ZBTB24: variants seen among roughly 807,000 people sequenced by gnomAD.
The protein encoded by ZBTB24 is zinc finger and BTB domain-containing protein 24.
In ZBTB24, 32 loss-of-function variants were observed where a neutral mutation model predicts 53.8. The observed-to-expected ratio is 0.60, with a 90% CI of 0.45 to 0.80. The LOEUF (loss-of-function observed/expected upper bound fraction) is 0.80, where lower values mean the gene tolerates loss of function less well. Among genes scored for constraint, ZBTB24 ranks in the 30% least tolerant of loss-of-function variants. The pLI is 0.00. For missense variants in ZBTB24, 722 were observed against 837.1 expected (o/e 0.86, Z 1.70); for synonymous variants, 297 against 306.7 (o/e 0.97, Z 0.33).
rs548500032 is a variant in ZBTB24, at chr6:109,479,873, G to A, written c.952+1202C>T. Among the ~76,000 whole-genome samples the A allele has an allele frequency of 2.8e-4, 36 of 127,460 alleles. No homozygotes were observed. The East Asian group carries it at 6.5e-3, about 23-fold the overall frequency. 83.6% of individuals were successfully genotyped at this position (127,460 alleles called of 152,430 possible). ...GGAGGTTGCGGTGAGCCGAGATCGC[G>A]CCACTGCACTCTAGCCTGGGTGACA... On this transcript the variant is annotated intron_variant, in intron 2 of 6. Transcript: ENST00000230122.
chr6:109,472,380 T>C (rs1205243069), intron 5 of ZBTB24, among the ~76,000 whole-genome samples: 2 of 152,202 alleles, frequency 1.3e-5, no homozygotes, highest in Non-Finnish European at 2.9e-5. Flanking sequence ...TCTGTTCTGC[T>C]TCTCAAAGTT....
At chr6:109,472,151 C>G (rs998293835) in intron 5 of ZBTB24, among the ~76,000 whole-genome samples, 7 of 152,120 alleles carry the variant, frequency 4.6e-5, no homozygotes, top group African/African-American at 1.4e-4. Context: ...TGGCACTTCT[C>G]ACTCTGAATG....
chr6:109,465,628 T>C lies in ZBTB24; in HGVS notation c.*223A>G, dbSNP rs1776015215. On this transcript the variant is annotated 3_prime_UTR_variant, in exon 7 of 7. Transcript: ENST00000230122. ...ACATTGCAGATTAAAATGAAAACCA[T>C]TCAATAATATTGAAATGCTCAATAC... 1 of 1,537,882 alleles carries C rather than the reference T, an allele frequency of 6.5e-7. No homozygotes were observed.
intron 5 of ZBTB24, among the ~76,000 whole-genome samples, chr6:109,468,882 A>G (rs1302678195): frequency 1.3e-5 from 2 of 151,944 alleles, no homozygotes; most frequent in African/African-American, 4.8e-5. Context: ...GTTCCCCAGA[A>G]ACAAAATTAA....
At chr6:109,475,610 T>C in intron 4 of ZBTB24, 128 bp from the exon 5 acceptor site, 1 of 1,108,070 alleles carries the variant, frequency 9.0e-7, no homozygotes. Context: ...ACAAAAATTT[T>C]TTCATTAATT....
At position 109,465,628 on chromosome 6, in the gene ZBTB24, T is replaced by A; in HGVS notation, c.*223A>T. The stretch of plus-strand genomic sequence containing the variant: ...ACATTGCAGATTAAAATGAAAACCA[T>A]TCAATAATATTGAAATGCTCAATAC... On this transcript the variant is annotated 3_prime_UTR_variant, in exon 7 of 7. Coordinates refer to ENST00000230122, the MANE Select transcript of ZBTB24 (RefSeq NM_014797.3). 6.5e-7 allele frequency: 1 copy of A among 1,538,000 alleles called. No homozygotes were observed. The highest frequency in any genetic ancestry group is 1.2e-5 in the South Asian group (1 of 84,370).
rs1345809027 is a variant in ZBTB24 at position 109,463,645 on chromosome 6, A to G, written c.*2206T>C. ...CAACTGTAAGTTGTATGAAATCTAA[A>G]TACAGATCAAGTATGTCCAATGAAC... is the stretch of plus-strand genomic sequence containing the variant. On this transcript the variant is annotated 3_prime_UTR_variant, in exon 7 of 7. Coordinates refer to ENST00000230122, the MANE Select transcript of ZBTB24 (RefSeq NM_014797.3). 1 of 152,260 alleles carries G rather than the reference A, an allele frequency of 6.6e-6. No individual in the cohort carries two copies. The highest frequency in any genetic ancestry group is 1.5e-5 in the Non-Finnish European group (1 of 68,046). The allele number at this position is 152,260 out of a possible 1,614,324, so 9.4% of individuals were successfully genotyped here.
Position 109,476,169 on chromosome 6 carries a change from T to C in ZBTB24, c.1204+6A>G. ...CCCCAATCTAAATGTTCTCACTTTA[T>C]CGTACCTGTATGAACTCGGTAATGG... On this transcript the variant is annotated splice_donor_region_variant and intron_variant, in intron 4 of 6. Transcript: ENST00000230122. 1.2e-6 allele frequency: 2 copies of C among 1,613,592 alleles called. No individual in the cohort carries two copies. The highest frequency in any genetic ancestry group is 2.2e-5 in the East Asian group (1 of 44,870).
chr6:109,477,617 C>G (rs1304884108), intron 2 of ZBTB24, among the ~76,000 whole-genome samples: 4 of 152,174 alleles, frequency 2.6e-5, no homozygotes, highest in Admixed American at 6.5e-5. Context: ...TGTCCCTCCC[C>G]CAAAAGAGAA....
intron 5 of ZBTB24, among the ~76,000 whole-genome samples, chr6:109,474,215 T>G (rs1215647664): frequency 6.6e-6 from 1 of 152,222 alleles, no homozygotes; most frequent in Non-Finnish European, 1.5e-5. Context: ...AGGCTTATTT[T>G]TAACATACAT....
At position 109,475,388 on chromosome 6, in the gene ZBTB24, T is replaced by C; in HGVS notation, c.1288+11A>G. The stretch of plus-strand genomic sequence containing the variant: ...CCGTGTACTGGGGGGACAGACGAGA[T>C]GGAGTTTTACCTGTGTGTGTTCGCA... On this transcript the variant is annotated intron_variant, in intron 5 of 6. Coordinates refer to ENST00000230122, the MANE Select transcript of ZBTB24 (RefSeq NM_014797.3). The C allele has an allele frequency of 1.2e-6, 2 of 1,614,088 alleles. No homozygotes were observed. The highest frequency in any genetic ancestry group is 1.7e-6 in the Non-Finnish European group (2 of 1,179,962).
rs148282640 is a variant in ZBTB24, at chr6:109,477,459, C to T, written c.953-529G>A. On this transcript the variant is annotated intron_variant, in intron 2 of 6. Coordinates refer to ENST00000230122, the MANE Select transcript of ZBTB24 (RefSeq NM_014797.3). Reference sequence around the variant, plus strand: ...AGCCACCACACCCAGCCCAATACAACCTAATTTTTAAGACACAATCTCCTA... The same window carrying T: ...AGCCACCACACCCAGCCCAATACAATCTAATTTTTAAGACACAATCTCCTA... 3.9e-5 allele frequency among the ~76,000 whole-genome samples: 6 copies of T among 152,206 alleles called. No homozygotes were observed. In the East Asian group the frequency reaches 1.2e-3, roughly 29 times the overall value.
chr6:109,477,141 T>C (rs892403698), intron 2 of ZBTB24, among the ~76,000 whole-genome samples: 1 of 152,174 alleles, frequency 6.6e-6, no homozygotes, highest in African/African-American at 2.4e-5. Context: ...ACCTAATTTT[T>C]TGTTTTTCCT....
At chr6:109,479,060 T>C (rs1413497259) in intron 2 of ZBTB24, among the ~76,000 whole-genome samples, 1 of 151,424 alleles carries the variant, frequency 6.6e-6, no homozygotes, top group Non-Finnish European at 1.5e-5. Flanking sequence ...TGATGGAAAA[T>C]ATAAGAGAAA....
chr6:109,474,639 C>T (rs1776241143), intron 5 of ZBTB24, among the ~76,000 whole-genome samples: 1 of 151,196 alleles, frequency 6.6e-6, no homozygotes, highest in South Asian at 2.1e-4. Context: ...GAGGCTGAGG[C>T]AGGAGAATCA....
At chr6:109,478,986 GA>G (rs1776339081) in intron 2 of ZBTB24, among the ~76,000 whole-genome samples, 1 of 152,078 alleles carries the variant, frequency 6.6e-6, no homozygotes, top group Admixed American at 6.5e-5. Flanking sequence ...AATAAGAGTT[GA>G]AACAGAAAAC....
At chr6:109,466,770 G>A (rs1353136623) in intron 6 of ZBTB24, among the ~76,000 whole-genome samples, 196 bp from the exon 7 acceptor site, 1 of 152,084 alleles carries the variant, frequency 6.6e-6, no homozygotes, top group East Asian at 1.9e-4. Context: ...AATAGGGTGT[G>A]GGTGGTGCCT....
Position 109,462,625 on chromosome 6 carries a change from T to G in ZBTB24, c.*3226A>C, listed in dbSNP as rs1304325428. The stretch of plus-strand genomic sequence containing the variant: ...CATTCCTCAGCATCATTTAATCTGT[T>G]GCTCACAACATTTATAACACAAGAA... On this transcript the variant is annotated 3_prime_UTR_variant, in exon 7 of 7. Coordinates refer to ENST00000230122, the MANE Select transcript of ZBTB24 (RefSeq NM_014797.3). 1.3e-5 allele frequency: 2 copies of G among 152,230 alleles called. No individual in the cohort carries two copies. Among genetic ancestry groups the G allele is most frequent in the African/African-American group, 4.8e-5 (2 of 41,456 alleles). The allele number at this position is 152,230 out of a possible 1,614,324, so 9.4% of individuals were successfully genotyped here.
intron 5 of ZBTB24, among the ~76,000 whole-genome samples, chr6:109,474,085 CAAAAA>C (rs56295486): frequency 9.7e-6 from 1 of 103,560 alleles, no homozygotes; most frequent in African/African-American, 3.3e-5. Context: ...ACAGTGACTC[CAAAAA>C]AAAAAAAAAA....
Sources: gnomAD v4.1 joint callset for allele counts (sites outside exome capture counted in the v4.1 genomes callset) on GRCh38, gnomAD v4.1.1 for gene constraint, MANE v1.5 for transcripts, NCBI Gene and HGNC (gene_info 2026-07-23, HGNC 2026-07-21) for gene names.